Variants in C11orf24 observed in about 807,000 individuals in gnomAD.
C11orf24 encodes uncharacterized protein C11orf24.
Under a neutral mutation model 7.3 loss-of-function variants are expected in C11orf24, and 5 were observed. The observed-to-expected ratio is 0.69, with a 90% CI of 0.36 to 1.45. The LOEUF (loss-of-function observed/expected upper bound fraction) is 1.45. Ranked by LOEUF, C11orf24 falls within the 40% of genes most tolerant of loss-of-function variation. C11orf24 has a pLI of 0.03. For synonymous variants in C11orf24, 233 were observed against 235.7 expected (o/e 0.99, Z 0.11); for missense variants, 566 against 590.5 (o/e 0.96, Z 0.43).
Position 68,263,816 on chromosome 11 carries a change from C to G in C11orf24, c.-49G>C, listed in dbSNP as rs368449165. On this transcript the variant is annotated 5_prime_UTR_variant, in exon 3 of 4. Coordinates refer to ENST00000304271, the MANE Select transcript of C11orf24 (RefSeq NM_022338.4). Reference sequence around the variant, plus strand: ...GCTGGGCGGTCCCCGAGGCTCCCAGCCAGCCAGCTCCTCAGGCTGCTAATG... The same window carrying G: ...GCTGGGCGGTCCCCGAGGCTCCCAGGCAGCCAGCTCCTCAGGCTGCTAATG... 595 of 1,503,214 alleles carry G rather than the reference C, an allele frequency of 4.0e-4. 3 individuals carry two copies. The African/African-American group carries it at 7.5e-3, about 19-fold the overall frequency. The allele number at this position is 1,503,214 out of a possible 1,614,324, so 93.1% of individuals were successfully genotyped here. A position where few individuals can be genotyped will look rare whatever the true frequency, so the allele number is the denominator to read the frequency against.
chr11:68,261,719 C>T lies in C11orf24; in HGVS notation c.1276G>A (p.Glu426Lys). Residue 426 changes from glutamate (E) to lysine (K), a missense_variant, in exon 4 of 4, where the codon GAG becomes AAG. By Grantham distance (56) the Glu-to-Lys change is moderately conservative. Coordinates refer to ENST00000304271, the MANE Select transcript of C11orf24 (RefSeq NM_022338.4). ...GTGTAGTCCTTCTTCTTGTAGCTCT[C>T]ATAGGCCTGCAGGGCAAACAAAACC... Reference protein sequence around the residue: ...VLVLFALQAYESYKKKDYTQV... With the variant: ...VLVLFALQAYKSYKKKDYTQV... The T allele has an allele frequency of 6.2e-7, 1 of 1,614,204 alleles. No homozygotes were observed. Among genetic ancestry groups the T allele is most frequent in the Non-Finnish European group, 8.5e-7 (1 of 1,180,046 alleles).
In C11orf24 at chr11:68,262,909, A is replaced by G; in HGVS notation, c.86T>C (p.Val29Ala). The G allele has an allele frequency of 6.2e-7, 1 of 1,612,782 alleles. No individual in the cohort carries two copies. Among genetic ancestry groups the G allele is most frequent in the Non-Finnish European group, 8.5e-7 (1 of 1,179,264 alleles). ...TAATCCCTTCCACATTTTGTTAGGG[A>G]CAAAGTTGCCTTAAAGTCAGAAAAA... Reference protein sequence around the residue: ...HAASNDPRNFVPNKMWKGLVK... With the variant: ...HAASNDPRNFAPNKMWKGLVK... Residue 29 changes from valine (V) to alanine (A), a missense_variant, in exon 4 of 4, where the codon GTC becomes GCC. Transcript: ENST00000304271.
chr11:68,268,502 C>T (rs1185852698), intron 1 of C11orf24, among the ~76,000 whole-genome samples: 1 of 152,108 alleles, frequency 6.6e-6, no homozygotes, highest in Non-Finnish European at 1.5e-5. Context: ...CCAGCCTGAC[C>T]AACATGGTGA....
chr11:68,264,637 C>T (rs199587216), intron 2 of C11orf24, among the ~76,000 whole-genome samples: 59 of 17,946 alleles, frequency 3.3e-3, no homozygotes, highest in Non-Finnish European at 3.9e-3. Flanking sequence ...CATCCATCCA[C>T]CCACTCATCC....
In C11orf24 at chr11:68,262,250, T is replaced by C. The variant is rs1351444698; in HGVS notation, c.745A>G (p.Met249Val). Residue 249 changes from methionine (M) to valine (V), a missense_variant, in exon 4 of 4, where the codon ATG (methionine) becomes GTG (valine). Transcript: ENST00000304271. ...ATGGGACCTTGTGCTTGGGGACGCATAGGGGGTACAGGGCTTGCCGCGGTG... is the reference window on the plus strand; with the variant it reads ...ATGGGACCTTGTGCTTGGGGACGCACAGGGGGTACAGGGCTTGCCGCGGTG... ...SDTAASPVPP[M>V]RPQAQGPISQ... 1 of 1,613,104 alleles carries C rather than the reference T, an allele frequency of 6.2e-7. No individual in the cohort carries two copies. Among genetic ancestry groups the C allele is most frequent in the African/African-American group, 1.3e-5 (1 of 74,864 alleles).
intron 2 of C11orf24, 60 bp from the exon 3 acceptor site, chr11:68,263,926 T>G: frequency 1.6e-6 from 1 of 622,334 alleles, no homozygotes; most frequent in Non-Finnish European, 2.8e-6. Context: ...CAGCCTTGCC[T>G]GAGAGCACCT....
chr11:68,263,132 A>C (rs2098562820), intron 3 of C11orf24: 1 of 589,686 alleles, frequency 1.7e-6, no homozygotes, highest in African/African-American at 1.9e-5. Flanking sequence ...TTTGATTTTA[A>C]AACTCCTTTG....
chr11:68,265,258 C>A (rs2098564499), intron 2 of C11orf24, among the ~76,000 whole-genome samples: 1 of 152,128 alleles, frequency 6.6e-6, no homozygotes, highest in African/African-American at 2.4e-5. Context: ...GGATGCGAGT[C>A]CCTCCGGGGC....
At position 68,262,592 on chromosome 11, in the gene C11orf24, T is replaced by A; in HGVS notation, c.403A>T (p.Thr135Ser). Reference sequence around the variant, plus strand: ...GCCACAGTTGTACTGGAGGCTGCAGTCGTGGGAGCACTGGAGGCCACAGTC... The same window carrying A: ...GCCACAGTTGTACTGGAGGCTGCAGACGTGGGAGCACTGGAGGCCACAGTC... Reference protein sequence around the residue: ...SMTVASSAPTTAASSTTVASI... With the variant: ...SMTVASSAPTSAASSTTVASI... The change falls in exon 4 of 4, where the codon ACT becomes TCT. Residue 135 changes from threonine (T) to serine (S), a missense_variant. Coordinates refer to ENST00000304271, the MANE Select transcript of C11orf24 (RefSeq NM_022338.4). 6.2e-7 allele frequency: 1 copy of A among 1,613,484 alleles called. No homozygotes were observed. Among genetic ancestry groups the A allele is most frequent in the Non-Finnish European group, 8.5e-7 (1 of 1,179,858 alleles).
chr11:68,265,976 G>T (rs1485478794), intron 2 of C11orf24, among the ~76,000 whole-genome samples: 1 of 152,208 alleles, frequency 6.6e-6, no homozygotes, highest in Non-Finnish European at 1.5e-5. Context: ...GGACGAAGGG[G>T]CCATTGAATG....
rs776912732 is a variant in C11orf24, at chr11:68,262,846, T to C, written c.149A>G (p.Lys50Arg). The C allele has an allele frequency of 1.2e-6, 2 of 1,614,178 alleles. No individual in the cohort carries two copies. The highest frequency in any genetic ancestry group is 4.5e-5 in the East Asian group (2 of 44,892). Reference sequence around the variant, plus strand: ...TGCCATGGTTACATCCTCAGACGTTTTATTATCAACTGTTTCCACAGATGC... The same window carrying C: ...TGCCATGGTTACATCCTCAGACGTTCTATTATCAACTGTTTCCACAGATGC... ...RNASVETVDN[K>R]TSEDVTMAAA... Residue 50 changes from lysine to arginine, a missense_variant, in exon 4 of 4, where the codon AAA becomes AGA. Coordinates refer to ENST00000304271, the MANE Select transcript of C11orf24 (RefSeq NM_022338.4).
chr11:68,268,430 G>A (rs1335197450), intron 1 of C11orf24, among the ~76,000 whole-genome samples, 179 bp from the exon 2 acceptor site: 4 of 152,182 alleles, frequency 2.6e-5, no homozygotes, highest in Non-Finnish European at 5.9e-5. Flanking sequence ...GGTGGCTCAC[G>A]CCTGTAATCC....
rs1368200579 is a variant in C11orf24, at chr11:68,262,406, T to C, written c.589A>G (p.Lys197Glu). ...GCTGTTCTTGGCAACGCGCTGCTCTTTGGCACTTGTGCGAGGGCTGTGCTG... is the reference window on the plus strand; with the variant it reads ...GCTGTTCTTGGCAACGCGCTGCTCTCTGGCACTTGTGCGAGGGCTGTGCTG... ...SLSTALAQVP[K>E]SSALPRTATL... is the part of the protein sequence containing the mutation. Residue 197 changes from lysine to glutamate, a missense_variant, in exon 4 of 4, where the codon AAG becomes GAG. Coordinates refer to ENST00000304271, the MANE Select transcript of C11orf24 (RefSeq NM_022338.4). The C allele has an allele frequency of 4.3e-6, 7 of 1,614,062 alleles. No homozygotes were observed. The highest frequency in any genetic ancestry group is 3.3e-5 in the Admixed American group (2 of 60,002).
intron 2 of C11orf24, among the ~76,000 whole-genome samples, chr11:68,266,619 G>T (rs1219000672): frequency 6.6e-6 from 1 of 152,094 alleles, no homozygotes; most frequent in Non-Finnish European, 1.5e-5. Flanking sequence ...AAGTGTGGCG[G>T]GGGGGATGGG....
chr11:68,271,957 TCCGGGCAGCGCGCCCTGC>T (rs1336008328), exon 1 of C11orf24: 1 of 152,040 alleles, frequency 6.6e-6, no homozygotes, highest in African/African-American at 2.4e-5. Flanking sequence ...CCCAGGCAGC[TCCGGGCAGCGCGCCCTGC>T]CCGGGCCCCG....
intron 2 of C11orf24, among the ~76,000 whole-genome samples, chr11:68,264,267 C>T (rs1396340542): frequency 6.6e-6 from 1 of 152,036 alleles, no homozygotes; most frequent in Non-Finnish European, 1.5e-5. Context: ...CTAATGCACC[C>T]CATGTGCACC....
chr11:68,263,383 C>T (rs748647064), intron 3 of C11orf24: 53 of 458,180 alleles, frequency 1.2e-4, no homozygotes, highest in Non-Finnish European at 1.7e-4. Flanking sequence ...AGAGTGGGAA[C>T]GCAGTTAAAG....
At chr11:68,270,195 T>C (rs2098567213) in intron 1 of C11orf24, among the ~76,000 whole-genome samples, 1 of 152,274 alleles carries the variant, frequency 6.6e-6, no homozygotes, top group East Asian at 1.9e-4. Context: ...CCAGGGCAGA[T>C]GGAAAGACGG....
Position 68,262,918 on chromosome 11 carries a change from C to T in C11orf24, c.77G>A (p.Arg26His), listed in dbSNP as rs1241710984. 3.1e-6 allele frequency: 5 copies of T among 1,611,508 alleles called. No individual in the cohort carries two copies. The South Asian group carries it at 3.3e-5, about 11-fold the overall frequency. Residue 26 changes from arginine (R) to histidine (H), a missense_variant and splice_region_variant, in exon 4 of 4, where the codon CGC (arginine) becomes CAC (histidine). Coordinates refer to ENST00000304271, the MANE Select transcript of C11orf24 (RefSeq NM_022338.4). ...CCACATTTTGTTAGGGACAAAGTTG[C>T]CTTAAAGTCAGAAAAAGGAGAAAAA... ...SESHAASNDPRNFVPNKMWKG... is the reference protein window; with the variant it reads ...SESHAASNDPHNFVPNKMWKG...
Sources: allele counts gnomAD v4.1 joint callset (sites outside exome capture counted in the v4.1 genomes callset), GRCh38; gene constraint gnomAD v4.1.1; transcripts MANE v1.5; gene names NCBI Gene and HGNC (gene_info 2026-07-23, HGNC 2026-07-21).